Variants in NCAM2 observed in about 807,000 individuals in gnomAD.
NCAM2 encodes neural cell adhesion molecule 2.
A neutral mutation model predicts 98.1 loss-of-function variants in NCAM2; 30 were observed. That is an observed-to-expected ratio of 0.31 (90% confidence interval 0.23 to 0.41). NCAM2 has a LOEUF of 0.41. Among genes scored for constraint, NCAM2 ranks in the 10% least tolerant of loss-of-function variants. NCAM2 has a pLI of 1.00. For synonymous variants in NCAM2, 368 were observed against 342.4 expected (o/e 1.07, Z -0.83); for missense variants, 867 against 1,005.8 (o/e 0.86, Z 1.87).
At chr21:21,112,882 C>T (rs1008124865) in intron 1 of NCAM2, among the ~76,000 whole-genome samples, 10 of 152,204 alleles carry the variant, frequency 6.6e-5, no homozygotes, top group Admixed American at 4.6e-4. Flanking sequence ...TACTTCCATG[C>T]AGCACTGGCT....
At chr21:21,132,702 T>C (rs1390484713) in intron 1 of NCAM2, among the ~76,000 whole-genome samples, 2 of 152,218 alleles carry the variant, frequency 1.3e-5, no homozygotes, top group African/African-American at 4.8e-5. Flanking sequence ...TTTTGTATTA[T>C]CAGCATAGAT....
chr21:21,299,020 C>T (rs1411925851), intron 5 of NCAM2, among the ~76,000 whole-genome samples: 2 of 151,358 alleles, frequency 1.3e-5, no homozygotes, highest in African/African-American at 4.8e-5. Flanking sequence ...TGTGAAACCA[C>T]AACTTATAGA....
At chr21:21,025,682 G>T (rs1481462879) in intron 1 of NCAM2, among the ~76,000 whole-genome samples, 1 of 152,032 alleles carries the variant, frequency 6.6e-6, no homozygotes, top group Non-Finnish European at 1.5e-5. Flanking sequence ...TTCACAAAGA[G>T]GAGGCATTTT....
At chr21:21,434,543 C>T (rs2077426695) in intron 12 of NCAM2, among the ~76,000 whole-genome samples, 1 of 152,242 alleles carries the variant, frequency 6.6e-6, no homozygotes, top group South Asian at 2.1e-4. Flanking sequence ...TGTATGATCT[C>T]AACTCAGTGC....
At chr21:21,263,384 A>G (rs2071997410) in intron 1 of NCAM2, among the ~76,000 whole-genome samples, 2 of 152,172 alleles carry the variant, frequency 1.3e-5, no homozygotes, top group South Asian at 4.1e-4. Flanking sequence ...AAATAGAAAA[A>G]CATCCCATGC....
chr21:21,504,667 A>C (rs990556414), intron 15 of NCAM2, among the ~76,000 whole-genome samples: 1 of 151,836 alleles, frequency 6.6e-6, no homozygotes, highest in Non-Finnish European at 1.5e-5. Context: ...TAACCTCATG[A>C]GATATGAGAA....
At chr21:21,440,003 A>G (rs956836764) in intron 12 of NCAM2, among the ~76,000 whole-genome samples, 2 of 152,202 alleles carry the variant, frequency 1.3e-5, no homozygotes, top group African/African-American at 2.4e-5. Context: ...TGTAACTCCT[A>G]CTAGCCTAGT....
At chr21:21,177,667 G>A (rs906483503) in intron 1 of NCAM2, among the ~76,000 whole-genome samples, 1 of 151,732 alleles carries the variant, frequency 6.6e-6, no homozygotes, top group African/African-American at 2.4e-5. Flanking sequence ...ATGTTAACAT[G>A]TGTTCCTTTC....
At chr21:21,288,133 A>G (rs2073166516) in intron 4 of NCAM2, among the ~76,000 whole-genome samples, 3 of 151,944 alleles carry the variant, frequency 2.0e-5, no homozygotes, top group African/African-American at 7.2e-5. Context: ...AATACAACAT[A>G]AAGACTATGT....
chr21:21,194,392 T>C lies in NCAM2; in HGVS notation c.56-86186T>C, dbSNP rs539423805. Among the ~76,000 whole-genome samples the C allele has an allele frequency of 2.6e-5, 4 of 152,292 alleles. No homozygotes were observed. In the East Asian group the frequency reaches 7.7e-4, roughly 29 times the overall value. On this transcript the variant is annotated intron_variant, in intron 1 of 17. Transcript: ENST00000400546. Reference sequence around the variant, plus strand: ...CTGAGTTATTATTATATCTTAGGACTTGACCTAAACTTTTTACATCTATTA... The same window carrying C: ...CTGAGTTATTATTATATCTTAGGACCTGACCTAAACTTTTTACATCTATTA...
intron 15 of NCAM2, among the ~76,000 whole-genome samples, chr21:21,478,485 T>G (rs1985447031): frequency 6.6e-6 from 1 of 151,978 alleles, no homozygotes; most frequent in African/African-American, 2.4e-5. Context: ...TGATGTTAAT[T>G]TCACATATTA....
chr21:21,274,387 G>T (rs1287447122), intron 1 of NCAM2, among the ~76,000 whole-genome samples: 1 of 152,036 alleles, frequency 6.6e-6, no homozygotes, highest in Non-Finnish European at 1.5e-5. Flanking sequence ...AAATATTCAT[G>T]AATTCCTAAA....
chr21:21,101,812 C>T (rs2066246682), intron 1 of NCAM2, among the ~76,000 whole-genome samples: 1 of 152,020 alleles, frequency 6.6e-6, no homozygotes, highest in Admixed American at 6.6e-5. Flanking sequence ...AAGTTAAAAT[C>T]ATTTTGTCTC....
chr21:21,459,183 AAG>A (rs55752455), intron 12 of NCAM2, among the ~76,000 whole-genome samples: 20,593 of 151,922 alleles, frequency 0.14, 1,408 homozygotes, highest in Non-Finnish European at 0.14. Flanking sequence ...TTTTTTTTCA[AAG>A]AGAGAAAAGT....
chr21:21,519,977 T>C (rs1209712883), intron 16 of NCAM2, among the ~76,000 whole-genome samples: 2 of 152,122 alleles, frequency 1.3e-5, no homozygotes, highest in Admixed American at 6.6e-5. Flanking sequence ...ATCAGTGTCA[T>C]AGAGGATAGT....
At chr21:21,094,984 A>T (rs1428784698) in intron 1 of NCAM2, among the ~76,000 whole-genome samples, 1 of 151,706 alleles carries the variant, frequency 6.6e-6, no homozygotes, top group Non-Finnish European at 1.5e-5. Flanking sequence ...ACTGGAGTTA[A>T]TTAGTTAGCT....
At chr21:21,341,356 A>G (rs951091469) in intron 8 of NCAM2, among the ~76,000 whole-genome samples, 2 of 152,172 alleles carry the variant, frequency 1.3e-5, no homozygotes, top group Non-Finnish European at 2.9e-5. Flanking sequence ...CATATTAAAT[A>G]AACTCATCAG....
chr21:21,362,576 A>G (rs369880070), intron 8 of NCAM2, among the ~76,000 whole-genome samples: 25 of 152,166 alleles, frequency 1.6e-4, no homozygotes, highest in African/African-American at 6.0e-4. Flanking sequence ...TCTTAAGATC[A>G]ATTAATGAAT....
intron 9 of NCAM2, among the ~76,000 whole-genome samples, chr21:21,393,808 T>C (rs570658344): frequency 6.6e-6 from 1 of 152,116 alleles, no homozygotes; most frequent in Non-Finnish European, 1.5e-5. Context: ...TTCAAATATA[T>C]AACATAACCA....
Sources: allele counts gnomAD v4.1 joint callset (sites outside exome capture counted in the v4.1 genomes callset), GRCh38; gene constraint gnomAD v4.1.1; transcripts MANE v1.5; gene names NCBI Gene and HGNC (gene_info 2026-07-23, HGNC 2026-07-21).